Variants in PSMG1 observed in about 807,000 individuals in gnomAD.
The protein encoded by PSMG1 is Down syndrome critical region gene 2.
PSMG1 carries 23 observed loss-of-function variants against 37.2 expected under a neutral mutation model. The observed-to-expected ratio is 0.62, with a 90% CI of 0.44 to 0.88. The LOEUF (loss-of-function observed/expected upper bound fraction) is 0.88, where lower values mean the gene tolerates loss of function less well. Among genes scored for constraint, PSMG1 ranks in the 40% least tolerant of loss-of-function variants. PSMG1 has a pLI of 0.00. For synonymous variants in PSMG1, 127 were observed against 128.0 expected, an observed-to-expected ratio of 0.99 and a Z score of 0.05; for missense variants, 340 against 344.2, an observed-to-expected ratio of 0.99 and a Z score of 0.10.
chr21:39,178,500 A>ACGCC lies in PSMG1; in HGVS notation c.600_603dup (p.Cys202GlyfsTer38). The ACGCC allele has an allele frequency of 6.2e-7, 1 of 1,614,188 alleles. No individual in the cohort carries two copies. Among genetic ancestry groups the ACGCC allele is most frequent in the Non-Finnish European group, 8.5e-7 (1 of 1,180,020 alleles). ...TTCGGTTGTTCTAGCAATGGACAACACGCCGAGTCTTTGAAATTCTGTGTT... is the reference window on the plus strand; with the variant it reads ...TTCGGTTGTTCTAGCAATGGACAACACGCCCGCCGAGTCTTTGAAATTCTGTGTT... On this transcript the variant is annotated frameshift_variant, in exon 5 of 7. Transcript: ENST00000331573. LOFTEE classifies it high-confidence loss of function.
chr21:39,183,214 G>T (rs753326406), intron 1 of PSMG1, 38 bp downstream of exon 1: 1 of 1,530,720 alleles, frequency 6.5e-7, no homozygotes, highest in Non-Finnish European at 8.8e-7. Context: ...GCACCTTCCA[G>T]CTGCGGTGAG....
chr21:39,183,120 G>T, intron 1 of PSMG1, 132 bp downstream of exon 1: 1 of 1,191,766 alleles, frequency 8.4e-7, no homozygotes, highest in Non-Finnish European at 1.1e-6. Context: ...CCCAAGCAGA[G>T]CCAAGGAGCG....
rs2030596582 is a variant in PSMG1, at chr21:39,175,570, C to T, written c.*20G>A. 6.3e-7 allele frequency: 1 copy of T among 1,583,718 alleles called. No individual in the cohort carries two copies. The highest frequency in any genetic ancestry group is 1.1e-5 in the South Asian group (1 of 90,148). On this transcript the variant is annotated 3_prime_UTR_variant, in exon 7 of 7. Transcript: ENST00000331573. ...TAAAGGAATGGACAAGTAATATACA[C>T]TACAAAACAATGTTTAAGATCATGT...
At chr21:39,183,222 G>T in intron 1 of PSMG1, 30 bp downstream of exon 1, 1 of 1,541,464 alleles carries the variant, frequency 6.5e-7, no homozygotes, top group Non-Finnish European at 8.7e-7. Flanking sequence ...CAGCTGCGGT[G>T]AGCGCGCTGC....
chr21:39,183,325 C>G lies in PSMG1; in HGVS notation c.61G>C (p.Glu21Gln). The change falls in exon 1 of 7, where the codon GAA (glutamate) becomes CAA (glutamine). Residue 21 changes from glutamate to glutamine, a missense_variant. Physicochemically the swap from Glu to Gln is conservative, Grantham distance 29 (BLOSUM62 2). Transcript: ENST00000331573. ...CTCCGCCCCTCCTCCTCCTCCTCTT[C>G]GTCCTCAGTCCCAGCTCGGCACGGC... ...KAPCRAGTED[E>Q]EEEEEGRRET... 6.3e-7 allele frequency: 1 copy of G among 1,578,360 alleles called. No individual in the cohort carries two copies. The highest frequency in any genetic ancestry group is 1.2e-5 in the South Asian group (1 of 86,370).
intron 6 of PSMG1, among the ~76,000 whole-genome samples, chr21:39,176,809 G>A (rs1183025574): frequency 6.6e-6 from 1 of 152,214 alleles, no homozygotes; most frequent in Non-Finnish European, 1.5e-5. Context: ...CGGGCTGAGG[G>A]ACAATGTTGT....
At chr21:39,178,047 G>A (rs1402639622) in intron 5 of PSMG1, among the ~76,000 whole-genome samples, 11 of 152,082 alleles carry the variant, frequency 7.2e-5, no homozygotes, top group Admixed American at 6.5e-4. Flanking sequence ...GTCATATGAT[G>A]GCAGATGTGT....
rs1365121014 is a variant in PSMG1, at chr21:39,177,430, C to A, written c.792+5G>T. ...GCTATTAATTTAAATGAGTTAAAAC[C>A]TTACCTTAACCAAACCCTTCAAGCT... is the stretch of plus-strand genomic sequence containing the variant. On this transcript the variant is annotated splice_donor_5th_base_variant and intron_variant, in intron 6 of 6. Coordinates refer to ENST00000331573, the MANE Select transcript of PSMG1 (RefSeq NM_003720.4). 2 of 1,577,984 alleles carry A rather than the reference C, an allele frequency of 1.3e-6. No homozygotes were observed. Among genetic ancestry groups the A allele is most frequent in the East Asian group, 2.3e-5 (1 of 43,808 alleles).
intron 3 of PSMG1, 118 bp from the exon 4 acceptor site, chr21:39,180,104 C>T: frequency 8.0e-7 from 1 of 1,245,048 alleles, no homozygotes; most frequent in Non-Finnish European, 1.1e-6. Context: ...CCTGGCTCCA[C>T]TATTGACCTA....
chr21:39,180,694 G>A (rs1300460461), intron 2 of PSMG1, among the ~76,000 whole-genome samples: 3 of 152,078 alleles, frequency 2.0e-5, no homozygotes, highest in Non-Finnish European at 1.5e-5. Flanking sequence ...ACATGCTCAC[G>A]GGGTAATACT....
chr21:39,180,084 T>C, intron 3 of PSMG1, 98 bp from the exon 4 acceptor site: 1 of 1,340,636 alleles, frequency 7.5e-7, no homozygotes, highest in Non-Finnish European at 1.0e-6. Context: ...ACTTAGGTAA[T>C]ACTTATTTTC....
At position 39,175,782 on chromosome 21, in the gene PSMG1, G is replaced by C. The variant is rs1053460216; in HGVS notation, c.793-118C>G. ...GAGACTTAAAAACAGCCATGGGACA[G>C]GCGTGGCCTTTACTCTCCTTCTCAA... On this transcript the variant is annotated intron_variant, in intron 6 of 6. Coordinates refer to ENST00000331573, the MANE Select transcript of PSMG1 (RefSeq NM_003720.4). 4.3e-6 allele frequency: 3 copies of C among 689,824 alleles called. No individual in the cohort carries two copies. The African/African-American group carries it at 5.4e-5, about 12-fold the overall frequency. 42.7% of individuals were successfully genotyped at this position (689,824 alleles called of 1,614,324 possible).
rs192563580 is a variant in PSMG1, at chr21:39,177,147, T to C, written c.792+288A>G. ...AAATTTTTTAAAAAACCTTGCAAAG[T>C]AGTTATAGAAGCTTATTGAACAGTA... is the stretch of plus-strand genomic sequence containing the variant. On this transcript the variant is annotated intron_variant, in intron 6 of 6. Coordinates refer to ENST00000331573, the MANE Select transcript of PSMG1 (RefSeq NM_003720.4). Among the ~76,000 whole-genome samples the C allele has an allele frequency of 5.7e-4, 87 of 152,338 alleles. 2 individuals are homozygous for C. Among genetic ancestry groups the C allele is most frequent in the African/African-American group, 2.0e-3 (85 of 41,586 alleles).
intron 1 of PSMG1, chr21:39,183,013 C>T: frequency 2.1e-6 from 1 of 474,758 alleles, no homozygotes; most frequent in Non-Finnish European, 3.6e-6. Flanking sequence ...ACAGCGGCTT[C>T]ACCCTGGACT....
chr21:39,182,937 C>CCTCCAGAAATG (rs1385529607), intron 1 of PSMG1: 3 of 301,342 alleles, frequency 1.0e-5, no homozygotes, highest in East Asian at 1.2e-4. Context: ...AGACACCAAG[C>CCTCCAGAAATG]CTCCAGAAAT....
Position 39,180,302 on chromosome 21 carries a change from G to T in PSMG1, c.376C>A (p.Leu126Ile). 2 of 1,603,518 alleles carry T rather than the reference G, an allele frequency of 1.2e-6. No individual in the cohort carries two copies. Among genetic ancestry groups the T allele is most frequent in the Non-Finnish European group, 1.7e-6 (2 of 1,175,960 alleles). ...CCACCTACCGAGGGATTGGATTTTA[G>T]ATGATAAAACACACAAAAAGCCTCT... ...STEAFCVFYH[L>I]KSNPSVFLCQ... The change falls in exon 3 of 7, where the codon CTA becomes ATA. Residue 126 changes from leucine (L) to isoleucine (I), a missense_variant. Transcript: ENST00000331573.
At position 39,183,399 on chromosome 21, in the gene PSMG1, C is replaced by A. The variant is rs1182401119; in HGVS notation, c.-14G>T. ...CGTGGCCGCCATAGCCGCCCCGTGA[C>A]CGGCTGGACACAACTGCAGCGCCGC... On this transcript the variant is annotated 5_prime_UTR_variant, in exon 1 of 7. Coordinates refer to ENST00000331573, the MANE Select transcript of PSMG1 (RefSeq NM_003720.4). 1.3e-6 allele frequency: 2 copies of A among 1,574,714 alleles called. No individual in the cohort carries two copies. Among genetic ancestry groups the A allele is most frequent in the Non-Finnish European group, 1.7e-6 (2 of 1,165,628 alleles).
At chr21:39,176,968 T>C (rs1436493379) in intron 6 of PSMG1, among the ~76,000 whole-genome samples, 1 of 152,184 alleles carries the variant, frequency 6.6e-6, no homozygotes, top group East Asian at 1.9e-4. Flanking sequence ...TTTTAGAAAA[T>C]GAGACCAAAG....
intron 2 of PSMG1, among the ~76,000 whole-genome samples, 153 bp downstream of exon 2, chr21:39,181,619 C>A (rs2030830330): frequency 6.6e-6 from 1 of 151,818 alleles, no homozygotes; most frequent in African/African-American, 2.4e-5. Flanking sequence ...AAAAATGATG[C>A]AACAGGAACA....
Sources: gnomAD v4.1 joint callset for allele counts (sites outside exome capture counted in the v4.1 genomes callset) on GRCh38, gnomAD v4.1.1 for gene constraint, MANE v1.5 for transcripts, NCBI Gene and HGNC (gene_info 2026-07-23, HGNC 2026-07-21) for gene names.